NPHP3: variants seen among roughly 807,000 people sequenced by gnomAD.
NPHP3 encodes the protein nephrocystin-3.
Under a neutral mutation model 171.9 loss-of-function variants are expected in NPHP3, and 123 were observed. The ratio of observed to expected loss-of-function variants is 0.72; its 90% CI spans 0.62 to 0.83. The LOEUF (loss-of-function observed/expected upper bound fraction) is 0.83. NPHP3 is among the 40% of genes least tolerant of loss of function. The probability of loss-of-function intolerance (pLI) is 0.00; values close to 1 mark genes in which losing one functional copy is unlikely to be tolerated. For synonymous variants in NPHP3, 558 were observed against 579.2 expected, an observed-to-expected ratio of 0.96 and a Z score of 0.52; for missense variants, 1,506 against 1,591.9, an observed-to-expected ratio of 0.95 and a Z score of 0.92.
Position 132,694,981 on chromosome 3 carries a change from A to C in NPHP3, c.2172-16T>G, listed in dbSNP as rs1459446260. On this transcript the variant is annotated splice_polypyrimidine_tract_variant and intron_variant, in intron 15 of 26. Transcript: ENST00000337331. ...TCTCCCAGCACTGTTGGAATCGAGA[A>C]GAGATTTAATTTCTTACAGATTGCC... 2 of 1,613,408 alleles carry C rather than the reference A, an allele frequency of 1.2e-6. No homozygotes were observed. Among genetic ancestry groups the C allele is most frequent in the Non-Finnish European group, 8.5e-7 (1 of 1,179,766 alleles).
chr3:132,700,364 G>C lies in NPHP3; in HGVS notation c.1713C>G (p.Ser571=), dbSNP rs1194619733. The C allele has an allele frequency of 6.2e-7, 1 of 1,610,812 alleles. No homozygotes were observed. Among genetic ancestry groups the C allele is most frequent in the Non-Finnish European group, 8.5e-7 (1 of 1,177,110 alleles). The change falls in exon 11 of 27, where the codon TCC becomes TCG. Residue 571 remains serine (S), a synonymous_variant. Transcript: ENST00000337331. ...GAGTTAGTCGTTTAATAATCAAGGA[G>C]GACTCTGAGCTGGTTGACATGGGCC... The part of the protein sequence containing the change: ...VGRPMSTSSE[S]SLIIKRLTLK...
Position 132,722,188 on chromosome 3 carries a change from C to T in NPHP3, c.168G>A (p.Gly56=). Residue 56 remains glycine, a synonymous_variant, in exon 1 of 27, where the codon GGG becomes GGA. Coordinates refer to ENST00000337331, the MANE Select transcript of NPHP3 (RefSeq NM_153240.5). ...RRGAGAAAGA[G]PGSLPRGVGA... is the part of the protein sequence containing the mutation. ...CCACCCCGCGGGGCAGCGACCCGGG[C>T]CCGGCCCCTGCTGCCGCCCCCGCGC... The T allele has an allele frequency of 6.6e-7, 1 of 1,517,082 alleles. No individual in the cohort carries two copies. Among genetic ancestry groups the T allele is most frequent in the South Asian group, 1.2e-5 (1 of 81,234 alleles). 94.0% of individuals were successfully genotyped at this position (1,517,082 alleles called of 1,614,324 possible). A position where few individuals can be genotyped will look rare whatever the true frequency, so the allele number is the denominator to read the frequency against.
chr3:132,721,802 G>C (rs955629739), intron 1 of NPHP3, 161 bp downstream of exon 1: 1 of 940,726 alleles, frequency 1.1e-6, no homozygotes, highest in Non-Finnish European at 1.7e-6. Context: ...GACAGAAAAA[G>C]GGGAGGGTTA....
At chr3:132,707,378 T>A (rs556059397) in intron 7 of NPHP3, among the ~76,000 whole-genome samples, 2 of 152,210 alleles carry the variant, frequency 1.3e-5, no homozygotes, top group African/African-American at 4.8e-5. Context: ...GTGGGAGGAC[T>A]GCTCGATCTC....
chr3:132,698,113 C>G (rs1939504060), intron 13 of NPHP3, among the ~76,000 whole-genome samples: 1 of 151,914 alleles, frequency 6.6e-6, no homozygotes, highest in Admixed American at 6.6e-5. Flanking sequence ...TCCCAAGTAG[C>G]TAGGATTACA....
intron 6 of NPHP3, among the ~76,000 whole-genome samples, chr3:132,711,452 A>C (rs1205957094): frequency 6.6e-6 from 1 of 152,122 alleles, no homozygotes; most frequent in Non-Finnish European, 1.5e-5. Context: ...AAAAGTAATA[A>C]AATATGAAAT....
intron 26 of NPHP3, 84 bp from the exon 27 acceptor site, chr3:132,682,174 A>C (rs1037719442): frequency 1.5e-6 from 2 of 1,299,140 alleles, no homozygotes; most frequent in Non-Finnish European, 2.2e-6. Context: ...ACAGAAAAAG[A>C]AGCTGTAAAT....
chr3:132,712,714 C>G (rs575923797), intron 6 of NPHP3, among the ~76,000 whole-genome samples: 2 of 151,366 alleles, frequency 1.3e-5, no homozygotes, highest in Non-Finnish European at 2.9e-5. Flanking sequence ...TGCAGTGAGC[C>G]GAGATTGCGC....
chr3:132,694,488 T>C (rs1464626743), intron 16 of NPHP3, among the ~76,000 whole-genome samples: 1 of 151,846 alleles, frequency 6.6e-6, no homozygotes, highest in East Asian at 1.9e-4. Context: ...AAAAAGACAT[T>C]TATTTGCAAA....
intron 13 of NPHP3, 62 bp downstream of exon 13, chr3:132,699,291 C>A (rs991905915): frequency 1.7e-6 from 2 of 1,178,316 alleles, no homozygotes; most frequent in Admixed American, 3.5e-5. Context: ...TATTAAAAAT[C>A]TTTCCTTGTT....
rs1939162954 is a variant in NPHP3, at chr3:132,686,332, CCTAATGTAAG to C, written c.3247_3256del (p.Leu1083ValfsTer31). Reference sequence around the variant, plus strand: ...CCGAGCATTATCAGGTGTGTCCTTACCTAATGTAAGCTCTTCTAACTGTAAAGCCCGTCTA... The same window carrying C: ...CCGAGCATTATCAGGTGTGTCCTTACCTCTTCTAACTGTAAAGCCCGTCTA... On this transcript the variant is annotated frameshift_variant, in exon 23 of 27. Transcript: ENST00000337331. LOFTEE classifies it high-confidence loss of function. 2 of 1,613,768 alleles carry C rather than the reference CCTAATGTAAG, an allele frequency of 1.2e-6. No homozygotes were observed. Among genetic ancestry groups the C allele is most frequent in the Non-Finnish European group, 1.7e-6 (2 of 1,179,838 alleles).
chr3:132,708,078 T>C, intron 7 of NPHP3, 23 bp downstream of exon 7: 1 of 1,612,960 alleles, frequency 6.2e-7, no homozygotes, highest in Non-Finnish European at 8.5e-7. Flanking sequence ...AGTGTGTTTT[T>C]CAAAAATGCC....
At chr3:132,704,467 G>A (rs1939695637) in intron 8 of NPHP3, 96 bp from the exon 9 acceptor site, 1 of 1,226,472 alleles carries the variant, frequency 8.2e-7, no homozygotes, top group African/African-American at 1.5e-5. Context: ...CCTACTTTTG[G>A]GAGGGCAAGT....
chr3:132,697,678 A>G (rs1047376079), intron 13 of NPHP3, among the ~76,000 whole-genome samples: 4 of 152,240 alleles, frequency 2.6e-5, no homozygotes, highest in African/African-American at 9.6e-5. Context: ...ATGAGTATCT[A>G]TGAGGAGTGG....
At chr3:132,717,207 A>T (rs1407716624) in intron 3 of NPHP3, 1 of 332,816 alleles carries the variant, frequency 3.0e-6, no homozygotes. Context: ...TTTACAAAAA[A>T]AAATTCTAAA....
chr3:132,685,007 T>G (rs547598579), intron 23 of NPHP3: 4 of 544,876 alleles, frequency 7.3e-6, no homozygotes, highest in South Asian at 2.1e-5. Flanking sequence ...GTGTGGATGA[T>G]TGCCTCAATT....
chr3:132,694,148 C>T (rs1257720702), intron 16 of NPHP3, among the ~76,000 whole-genome samples: 1 of 151,932 alleles, frequency 6.6e-6, no homozygotes, highest in East Asian at 1.9e-4. Context: ...GAAACAGACC[C>T]ACATTTATTT....
chr3:132,689,220 TGCC>T lies in NPHP3; in HGVS notation c.2734_2736del (p.Gly912del). The T allele has an allele frequency of 1.2e-6, 2 of 1,614,196 alleles. No individual in the cohort carries two copies. Among genetic ancestry groups the T allele is most frequent in the Non-Finnish European group, 1.7e-6 (2 of 1,179,980 alleles). ...TCTGTTGCCATTGCACTTTTGTCTT[TGCC>T]AACAAACTGCCAATAACTCAGCAAC... On this transcript the variant is annotated inframe_deletion, in exon 20 of 27. Coordinates refer to ENST00000337331, the MANE Select transcript of NPHP3 (RefSeq NM_153240.5).
In NPHP3 at chr3:132,708,328, G is replaced by A. The variant is rs1939813774; in HGVS notation, c.1119-71C>T. 3.4e-6 allele frequency: 5 copies of A among 1,455,678 alleles called. No individual in the cohort carries two copies. The South Asian group carries it at 5.7e-5, about 17-fold the overall frequency. The allele number at this position is 1,455,678 out of a possible 1,614,324, so 90.2% of individuals were successfully genotyped here. Reference sequence around the variant, plus strand: ...GCAAGCAGTTAGTTAATCAACCTAAGTGCCAATAATGGAGTTTTACTACAG... The same window carrying A: ...GCAAGCAGTTAGTTAATCAACCTAAATGCCAATAATGGAGTTTTACTACAG... On this transcript the variant is annotated intron_variant, in intron 6 of 26. Transcript: ENST00000337331.
Sources: allele counts gnomAD v4.1 joint callset (sites outside exome capture counted in the v4.1 genomes callset), GRCh38; gene constraint gnomAD v4.1.1; transcripts MANE v1.5; gene names NCBI Gene and HGNC (gene_info 2026-07-23, HGNC 2026-07-21).